MAD1L1: variants seen among roughly 807,000 people sequenced by gnomAD.
The protein encoded by MAD1L1 is mitotic arrest deficient 1 like 1.
Under a neutral mutation model 96.9 loss-of-function variants are expected in MAD1L1, and 95 were observed. That is an observed-to-expected ratio of 0.98 (90% CI 0.83 to 1.16). The LOEUF (loss-of-function observed/expected upper bound fraction) is 1.16. MAD1L1 is among the 50% of genes most tolerant of loss of function. MAD1L1 has a pLI of 0.00. For synonymous variants in MAD1L1, 473 were observed against 396.6 expected (o/e 1.19, Z -2.29); for missense variants, 1,007 against 954.4 (o/e 1.06, Z -0.73).
At chr7:1,883,825 C>T (rs1301764458) in intron 18 of MAD1L1, among the ~76,000 whole-genome samples, 8 of 152,206 alleles carry the variant, frequency 5.3e-5, no homozygotes, top group Non-Finnish European at 8.8e-5. Context: ...ATGCCAACTC[C>T]CAGCTCCGAG....
At chr7:1,940,838 G>C (rs1778919647) in intron 16 of MAD1L1, among the ~76,000 whole-genome samples, 2 of 151,472 alleles carry the variant, frequency 1.3e-5, no homozygotes, top group African/African-American at 4.9e-5. Flanking sequence ...GGGCTGCACA[G>C]AAGGCGGGGC....
In MAD1L1 at chr7:2,119,936, C is replaced by T. The variant is rs947448686; in HGVS notation, c.1073+29216G>A. ...TTCCCTGAAAGCCGCCCTCAGCATC[C>T]TCCTCACTCCACCTCCTCCCAGCAT... On this transcript the variant is annotated intron_variant, in intron 11 of 18. Transcript: ENST00000265854. The surrounding 1 kb of genome is among the most constrained non-coding windows in gnomAD (Gnocchi z 4.6). 6.6e-6 allele frequency among the ~76,000 whole-genome samples: 1 copy of T among 152,180 alleles called. No homozygotes were observed. The highest frequency in any genetic ancestry group is 2.4e-5 in the African/African-American group (1 of 41,442).
At chr7:2,110,388 G>A (rs1787317859) in intron 11 of MAD1L1, among the ~76,000 whole-genome samples, 1 of 152,242 alleles carries the variant, frequency 6.6e-6, no homozygotes, top group Non-Finnish European at 1.5e-5. Context: ...TCCCGGCTCA[G>A]AAGCCACGCC....
At chr7:1,971,246 G>C (rs1470390626) in intron 15 of MAD1L1, among the ~76,000 whole-genome samples, 1 of 152,202 alleles carries the variant, frequency 6.6e-6, no homozygotes, top group African/African-American at 2.4e-5. Context: ...CGCTGCTGCT[G>C]GGGGCTGTTG....
intron 11 of MAD1L1, among the ~76,000 whole-genome samples, chr7:2,139,553 G>A (rs539527361): frequency 1.1e-4 from 16 of 152,334 alleles, no homozygotes; most frequent in African/African-American, 3.8e-4. Flanking sequence ...ACTCATGCTG[G>A]GAGAAGCTGC....
At chr7:2,012,044 G>C (rs1456928056) in intron 13 of MAD1L1, among the ~76,000 whole-genome samples, 1 of 152,196 alleles carries the variant, frequency 6.6e-6, no homozygotes, top group Non-Finnish European at 1.5e-5. Flanking sequence ...GAAACCCCAG[G>C]AGACAGACAG....
intron 11 of MAD1L1, among the ~76,000 whole-genome samples, chr7:2,122,094 G>A (rs764501410): frequency 9.9e-5 from 15 of 152,230 alleles, no homozygotes; most frequent in Admixed American, 9.8e-4. Flanking sequence ...TGGCTTGTCT[G>A]GAGGGACAAG....
intron 11 of MAD1L1, among the ~76,000 whole-genome samples, chr7:2,125,926 C>T (rs1788210737): frequency 6.6e-6 from 1 of 152,268 alleles, no homozygotes; most frequent in Non-Finnish European, 1.5e-5. Context: ...AGGAAGCAGC[C>T]AGTTGGCCCC....
At chr7:1,910,425 C>A (rs1408269930) in intron 17 of MAD1L1, among the ~76,000 whole-genome samples, 3 of 152,360 alleles carry the variant, frequency 2.0e-5, no homozygotes, top group South Asian at 2.1e-4. Flanking sequence ...AGCCGTCCGA[C>A]GCGTCAGCAC....
chr7:2,224,147 C>A (rs1793756913), intron 4 of MAD1L1, among the ~76,000 whole-genome samples: 1 of 152,158 alleles, frequency 6.6e-6, no homozygotes, highest in Admixed American at 6.5e-5. Context: ...TCGGGTGGGC[C>A]CTGCCCTCAG....
intron 16 of MAD1L1, among the ~76,000 whole-genome samples, chr7:1,950,169 G>A (rs1005004447): frequency 5.9e-5 from 9 of 152,208 alleles, no homozygotes; most frequent in Non-Finnish European, 8.8e-5. Context: ...GGCAGAGCCC[G>A]AGCTGGGTCC....
At chr7:2,033,176 A>T (rs953418830) in intron 12 of MAD1L1, among the ~76,000 whole-genome samples, 1 of 152,222 alleles carries the variant, frequency 6.6e-6, no homozygotes, top group African/African-American at 2.4e-5. Flanking sequence ...GCTGGCCAGG[A>T]GGTGGGCCCT....
chr7:1,902,622 G>A (rs1338901064), intron 17 of MAD1L1, among the ~76,000 whole-genome samples: 1 of 152,248 alleles, frequency 6.6e-6, no homozygotes, highest in Non-Finnish European at 1.5e-5. Context: ...CCCGGGGCCT[G>A]AGCTATACCC....
intron 10 of MAD1L1, among the ~76,000 whole-genome samples, chr7:2,181,670 C>T (rs896149889): frequency 6.6e-6 from 1 of 152,192 alleles, no homozygotes; most frequent in Non-Finnish European, 1.5e-5. Context: ...CCGTTTGAGA[C>T]AGCAATCCTA....
chr7:1,983,656 T>C (rs1781026180), intron 14 of MAD1L1, among the ~76,000 whole-genome samples: 1 of 152,254 alleles, frequency 6.6e-6, no homozygotes, highest in South Asian at 2.1e-4. Context: ...CAATCTTATG[T>C]GCACAGCCTG....
intron 18 of MAD1L1, among the ~76,000 whole-genome samples, chr7:1,855,969 G>A (rs933242020): frequency 7.9e-5 from 12 of 152,166 alleles, no homozygotes; most frequent in East Asian, 5.8e-4. Flanking sequence ...TCAAGGCGCC[G>A]GCAGACGTGG....
intron 10 of MAD1L1, among the ~76,000 whole-genome samples, chr7:2,199,477 C>A (rs112923029): frequency 6.6e-6 from 1 of 152,250 alleles, no homozygotes. Flanking sequence ...CGCGGCAAAC[C>A]GCTCAATAAG....
chr7:1,858,262 G>A (rs542503877), intron 18 of MAD1L1, among the ~76,000 whole-genome samples: 5 of 152,356 alleles, frequency 3.3e-5, no homozygotes, highest in African/African-American at 4.8e-5. Flanking sequence ...GGAGATAGCG[G>A]TGCTGGGATC....
intron 6 of MAD1L1, 60 bp downstream of exon 6, chr7:2,219,272 G>A (rs1793457422): frequency 1.4e-6 from 2 of 1,474,892 alleles, no homozygotes; most frequent in Non-Finnish European, 1.8e-6. Context: ...CAGGAGAGAG[G>A]TGGGACGCAT....
Sources: gnomAD v4.1 joint callset for allele counts (sites outside exome capture counted in the v4.1 genomes callset) on GRCh38, gnomAD v4.1.1 for gene constraint, Gnocchi (gnomAD v3.1) non-coding constraint, MANE v1.5 for transcripts, NCBI Gene and HGNC (gene_info 2026-07-23, HGNC 2026-07-21) for gene names.